The following CHAF1A variants were observed in gnomAD, a reference collection of about 807,000 sequenced individuals.
CHAF1A encodes CAF-1 subunit A.
Under a neutral mutation model 93.2 loss-of-function variants are expected in CHAF1A, and 5 were observed. The ratio of observed to expected loss-of-function variants is 0.05; its 90% CI spans 0.03 to 0.11. CHAF1A has a LOEUF of 0.11. Ranked by LOEUF, CHAF1A falls within the 10% of genes least tolerant of loss-of-function variation. The pLI is 1.00. For missense variants in CHAF1A, 1,102 were observed against 1,259.9 expected, an observed-to-expected ratio of 0.87 and a Z score of 1.90; for synonymous variants, 504 against 510.3, an observed-to-expected ratio of 0.99 and a Z score of 0.17.
chr19:4,417,206 A>G (rs1159318782), intron 3 of CHAF1A, among the ~76,000 whole-genome samples: 1 of 151,762 alleles, frequency 6.6e-6, no homozygotes, highest in Non-Finnish European at 1.5e-5. Flanking sequence ...CCTGGGCTCA[A>G]GTGATCCTCC....
downstream of CHAF1A, chr19:4,445,566 C>T (rs749988682): frequency 2.5e-6 from 4 of 1,613,834 alleles, no homozygotes; most frequent in East Asian, 2.2e-5. Flanking sequence ...GCCCCCGCGG[C>T]CTTGATGTCC....
intron 6 of CHAF1A, 90 bp from the exon 7 acceptor site, chr19:4,423,716 A>C: frequency 3.1e-6 from 4 of 1,292,700 alleles, no homozygotes; most frequent in Non-Finnish European, 4.5e-6. Context: ...AAAATGCTTG[A>C]CGTTCGGTTC....
At position 4,405,898 on chromosome 19, in the gene CHAF1A, A is replaced by T. The variant is rs765266034; in HGVS notation, c.53-14A>T. 1 of 1,611,710 alleles carries T rather than the reference A, an allele frequency of 6.2e-7. No individual in the cohort carries two copies. Among genetic ancestry groups the T allele is most frequent in the South Asian group, 1.1e-5 (1 of 91,034 alleles). On this transcript the variant is annotated splice_polypyrimidine_tract_variant and intron_variant, in intron 1 of 14. Coordinates refer to ENST00000301280, the MANE Select transcript of CHAF1A (RefSeq NM_005483.3). ...AGAATTTAACAGTTTACCCTTTGACACTTTTATTTGCAGCCATGGATTGCA... is the reference window on the plus strand; with the variant it reads ...AGAATTTAACAGTTTACCCTTTGACTCTTTTATTTGCAGCCATGGATTGCA...
At position 4,402,726 on chromosome 19, in the gene CHAF1A, C is replaced by A; in HGVS notation, c.-37C>A. The stretch of plus-strand genomic sequence containing the variant: ...GGCCGCCTGAGGGGAGCCCGCGCCT[C>A]CGCCGCCTGAGAGGAGGTCGAGCTG... On this transcript the variant is annotated 5_prime_UTR_variant, in exon 1 of 15. Coordinates refer to ENST00000301280, the MANE Select transcript of CHAF1A (RefSeq NM_005483.3). The A allele has an allele frequency of 8.4e-7, 1 of 1,192,598 alleles. No individual in the cohort carries two copies. The highest frequency in any genetic ancestry group is 1.0e-6 in the Non-Finnish European group (1 of 960,974). The allele number at this position is 1,192,598 out of a possible 1,614,324, so 73.9% of individuals were successfully genotyped here.
chr19:4,437,960 C>A (rs978310943), intron 13 of CHAF1A, among the ~76,000 whole-genome samples: 3 of 152,104 alleles, frequency 2.0e-5, no homozygotes, highest in African/African-American at 7.2e-5. Context: ...CCAGGATGGT[C>A]CCGATCTCCT....
chr19:4,437,794 C>T lies in CHAF1A; in HGVS notation c.2673+4255C>T, dbSNP rs376435166. 2.2e-4 allele frequency among the ~76,000 whole-genome samples: 34 copies of T among 151,958 alleles called. No individual in the cohort carries two copies. In the South Asian group the frequency reaches 5.4e-3, roughly 24 times the overall value. On this transcript the variant is annotated intron_variant, in intron 13 of 14. Coordinates refer to ENST00000301280, the MANE Select transcript of CHAF1A (RefSeq NM_005483.3). ...TCGCTCTGTCGCCCAGGCTGGAGTG[C>T]AGTGGTGCGATCTCAGCTCACTGCA...
At position 4,433,044 on chromosome 19, in the gene CHAF1A, T is replaced by C. The variant is rs747643340; in HGVS notation, c.2204-26T>C. The C allele has an allele frequency of 6.2e-5, 93 of 1,505,030 alleles. 2 individuals are homozygous for C. In the Admixed American group the frequency reaches 1.9e-3, roughly 30 times the overall value. The allele number at this position is 1,505,030 out of a possible 1,614,324, so 93.2% of individuals were successfully genotyped here. ...GTGATGGGTGGCTCCCCAAGCCTCA[T>C]GCCCACCCATGTTCCCTCCTGCCAG... On this transcript the variant is annotated intron_variant, in intron 12 of 14. Coordinates refer to ENST00000301280, the MANE Select transcript of CHAF1A (RefSeq NM_005483.3). This position sits in a 1 kb window ranked among gnomAD's most constrained non-coding sequence, Gnocchi z 5.6.
intron 3 of CHAF1A, 77 bp downstream of exon 3, chr19:4,409,836 C>T: frequency 1.3e-6 from 2 of 1,504,830 alleles, no homozygotes; most frequent in Non-Finnish European, 8.9e-7. Context: ...CTGGGTCACC[C>T]AGGTGTTTTG....
downstream of CHAF1A, chr19:4,448,425 G>A (rs776766795): frequency 1.3e-6 from 2 of 1,597,148 alleles, no homozygotes; most frequent in South Asian, 2.3e-5. Flanking sequence ...GCTGGGAGGA[G>A]GGAAGCAGGG....
chr19:4,426,948 C>T (rs1314744507), intron 7 of CHAF1A, among the ~76,000 whole-genome samples: 6 of 151,278 alleles, frequency 4.0e-5, no homozygotes, highest in African/African-American at 1.2e-4. Context: ...AAAAATTAGC[C>T]GGGCGTGGTG....
intron 7 of CHAF1A, among the ~76,000 whole-genome samples, chr19:4,426,855 C>A (rs1451254222): frequency 4.6e-5 from 7 of 151,962 alleles, no homozygotes; most frequent in African/African-American, 1.7e-4. Context: ...TTTGGGGAGG[C>A]CAAGGCGGGT....
intron 12 of CHAF1A, among the ~76,000 whole-genome samples, chr19:4,432,671 G>A (rs529482197): frequency 4.6e-5 from 7 of 151,310 alleles, no homozygotes; most frequent in African/African-American, 1.7e-4. Context: ...GAGGTGGGAG[G>A]ATTGCTTGAG....
intron 7 of CHAF1A, among the ~76,000 whole-genome samples, chr19:4,427,897 T>C (rs914439532): frequency 6.6e-6 from 1 of 151,890 alleles, no homozygotes; most frequent in African/African-American, 2.4e-5. Context: ...CTAATTTTTG[T>C]ATTTTTAGTA....
chr19:4,447,544 G>A (rs373680105), downstream of CHAF1A: 49 of 1,613,182 alleles, frequency 3.0e-5, no homozygotes, highest in Middle Eastern at 3.5e-4. Context: ...CAGAAGGCAC[G>A]CCCACCTGAA....
downstream of CHAF1A, chr19:4,445,037 T>C (rs1270859421): frequency 6.1e-6 from 1 of 163,826 alleles, no homozygotes; most frequent in Non-Finnish European, 1.3e-5. Flanking sequence ...TTTGGGCTTA[T>C]GATTTACTAA....
chr19:4,442,282 C>T lies in CHAF1A; in HGVS notation c.2711C>T (p.Thr904Met), dbSNP rs369272426. ...AEDMDGFQAD[T>M]EEEEEEEGDC... ...GACATGGACGGCTTCCAGGCAGACACGGAGGAGGAGGAAGAGGAGGAGGGC... is the reference window on the plus strand; with the variant it reads ...GACATGGACGGCTTCCAGGCAGACATGGAGGAGGAGGAAGAGGAGGAGGGC... Residue 904 changes from threonine to methionine, a missense_variant, in exon 14 of 15, where the codon ACG becomes ATG. Around this residue, in one of 6 missense-constraint regions of CHAF1A, gnomAD observed 119 missense variants for 102.2 expected, o/e 1.16. Coordinates refer to ENST00000301280, the MANE Select transcript of CHAF1A (RefSeq NM_005483.3). 502 of 1,613,558 alleles carry T rather than the reference C, an allele frequency of 3.1e-4. No individual in the cohort carries two copies. The highest frequency in any genetic ancestry group is 3.8e-4 in the Non-Finnish European group (446 of 1,179,880).
At chr19:4,446,185 G>C (rs1974512734), downstream of CHAF1A, 1 of 1,605,756 alleles carries the variant, frequency 6.2e-7, no homozygotes, top group African/African-American at 1.3e-5. Flanking sequence ...CCGCTCCCGA[G>C]CGTAGAAAGT....
the CHAF1A span, chr19:4,450,750 CTCTGT>C: frequency 1.2e-5 from 1 of 84,158 alleles, no homozygotes; most frequent in South Asian, 5.4e-4. Flanking sequence ...CAGAGCGAGA[CTCTGT>C]CTCAAAAAAA....
chr19:4,427,285 GACT>G (rs1409503547), intron 7 of CHAF1A, among the ~76,000 whole-genome samples: 2 of 146,800 alleles, frequency 1.4e-5, no homozygotes, highest in Non-Finnish European at 3.0e-5. Context: ...GAGTAGCTGG[GACT>G]ACAGGTGCCC....
Sources: gnomAD v4.1 joint callset for allele counts (sites outside exome capture counted in the v4.1 genomes callset) on GRCh38, gnomAD v4.1.1 for gene constraint, gnomAD v4.1.1 regional missense constraint, Gnocchi (gnomAD v3.1) non-coding constraint, MANE v1.5 for transcripts, NCBI Gene and HGNC (gene_info 2026-07-23, HGNC 2026-07-21) for gene names.